PHIP: variants seen among roughly 807,000 people sequenced by gnomAD.
The protein encoded by PHIP is PHIP subunit of CUL4-Ring ligase complex.
Under a neutral mutation model 236.8 loss-of-function variants are expected in PHIP, and 54 were observed. The observed-to-expected ratio is 0.23, with a 90% CI of 0.18 to 0.29. The LOEUF (loss-of-function observed/expected upper bound fraction) is 0.29, where lower values mean the gene tolerates loss of function less well. Ranked by LOEUF, PHIP falls within the 10% of genes least tolerant of loss-of-function variation. PHIP has a pLI of 1.00. For missense variants in PHIP, 1,370 were observed against 2,190.8 expected (o/e 0.63, Z 7.48); for synonymous variants, 756 against 718.9 (o/e 1.05, Z -0.83).
At chr6:78,952,052 T>C (rs1218747219) in intron 35 of PHIP, among the ~76,000 whole-genome samples, 1 of 152,220 alleles carries the variant, frequency 6.6e-6, no homozygotes, top group African/African-American at 2.4e-5. Flanking sequence ...TTTTCACTCT[T>C]ATTCTAGGTA....
At position 79,077,490 on chromosome 6, in the gene PHIP, G is replaced by A; in HGVS notation, c.147C>T (p.Thr49=). The part of the protein sequence containing the change: ...VAEKELLPRR[T]DWTGKEHPRT... Reference sequence around the variant, plus strand: ...TGGGATGCTCCTTCCCGGTCCAGTCGGTGCGCCGGGGCAGCAGCTGCGGGG... The same window carrying A: ...TGGGATGCTCCTTCCCGGTCCAGTCAGTGCGCCGGGGCAGCAGCTGCGGGG... The change falls in exon 4 of 40, where the codon ACC becomes ACT. Residue 49 remains threonine, a synonymous_variant. Transcript: ENST00000275034. 1.9e-6 allele frequency: 3 copies of A among 1,560,750 alleles called. No individual in the cohort carries two copies. In the South Asian group the frequency reaches 3.4e-5, roughly 18 times the overall value.
intron 7 of PHIP, among the ~76,000 whole-genome samples, chr6:79,041,033 A>G (rs1325403755): frequency 1.3e-5 from 2 of 152,278 alleles, no homozygotes; most frequent in Middle Eastern, 3.4e-3. Context: ...CCCTTAAAAG[A>G]AAGAATCAAA....
chr6:79,016,714 A>G (rs1770847566), intron 12 of PHIP, 72 bp from the exon 13 acceptor site: 2 of 878,916 alleles, frequency 2.3e-6, no homozygotes, highest in South Asian at 3.6e-5. Context: ...TTTCCCAGAG[A>G]TCTTGTTTAA....
At chr6:78,998,936 G>A (rs1769813702) in intron 17 of PHIP, among the ~76,000 whole-genome samples, 1 of 152,112 alleles carries the variant, frequency 6.6e-6, no homozygotes. Flanking sequence ...TTAGGGAGCT[G>A]ACATACTGAT....
rs1409253860 is a variant in PHIP, at chr6:78,971,997, C to A, written c.2890-1109G>T. Among the ~76,000 whole-genome samples, 103 of 151,316 alleles carry A rather than the reference C, an allele frequency of 6.8e-4. 1 individual carries two copies. In the South Asian group the frequency reaches 8.0e-3, roughly 12 times the overall value. Reference sequence around the variant, plus strand: ...GGCTTGCTTAGGTAAACAAAGCAGCCGGGAAGCTCGAACTGGGTGGAGCCC... The same window carrying A: ...GGCTTGCTTAGGTAAACAAAGCAGCAGGGAAGCTCGAACTGGGTGGAGCCC... On this transcript the variant is annotated intron_variant, in intron 24 of 39. Coordinates refer to ENST00000275034, the MANE Select transcript of PHIP (RefSeq NM_017934.7).
At chr6:78,987,646 T>A (rs1237948949) in intron 21 of PHIP, among the ~76,000 whole-genome samples, 3 of 152,150 alleles carry the variant, frequency 2.0e-5, no homozygotes, top group Non-Finnish European at 4.4e-5. Context: ...ATGGTTTAAC[T>A]GCTTAATAAG....
intron 15 of PHIP, chr6:79,004,490 G>A (rs766221783): frequency 1.6e-5 from 12 of 741,424 alleles, no homozygotes; most frequent in Non-Finnish European, 2.0e-5. Context: ...TGCTCTCAGT[G>A]CTTCTTCAGA....
chr6:79,018,668 T>C (rs1005087255), intron 10 of PHIP, among the ~76,000 whole-genome samples: 1 of 152,010 alleles, frequency 6.6e-6, no homozygotes, highest in Non-Finnish European at 1.5e-5. Context: ...GAACAATATG[T>C]AGCGAATTAA....
At position 78,966,233 on chromosome 6, in the gene PHIP, T is replaced by A. The variant is rs1243095410; in HGVS notation, c.3206-177A>T. ...CAGCAATACCAAGAGAAAAAAGGAATTTAGTAAGCATACTTGAAGTGTGAC... is the reference window on the plus strand; with the variant it reads ...CAGCAATACCAAGAGAAAAAAGGAAATTAGTAAGCATACTTGAAGTGTGAC... On this transcript the variant is annotated intron_variant, in intron 27 of 39. Coordinates refer to ENST00000275034, the MANE Select transcript of PHIP (RefSeq NM_017934.7). Among the ~76,000 whole-genome samples, 5 of 152,176 alleles carry A rather than the reference T, an allele frequency of 3.3e-5. No individual in the cohort carries two copies. In the East Asian group the frequency reaches 7.7e-4, roughly 23 times the overall value.
intron 7 of PHIP, among the ~76,000 whole-genome samples, chr6:79,040,782 T>C (rs1436026171): frequency 1.3e-5 from 2 of 152,244 alleles, no homozygotes; most frequent in Non-Finnish European, 2.9e-5. Context: ...TATTTCTTAT[T>C]GTAAGGTAAC....
intron 6 of PHIP, among the ~76,000 whole-genome samples, chr6:79,053,229 G>C (rs1296610497): frequency 3.3e-5 from 5 of 152,150 alleles, no homozygotes; most frequent in Admixed American, 2.0e-4. Flanking sequence ...CAGGAGAATG[G>C]CTTGAACCTG....
At chr6:79,023,249 T>C (rs1190433016) in intron 9 of PHIP, among the ~76,000 whole-genome samples, 1 of 152,108 alleles carries the variant, frequency 6.6e-6, no homozygotes, top group Non-Finnish European at 1.5e-5. Context: ...TGGCGTTTGT[T>C]GTTGTTGTTG....
At chr6:78,999,484 T>C (rs951969340) in intron 17 of PHIP, among the ~76,000 whole-genome samples, 1 of 152,100 alleles carries the variant, frequency 6.6e-6, no homozygotes, top group Admixed American at 6.6e-5. Flanking sequence ...TCCAAACCCA[T>C]TAGTTCCTCA....
chr6:78,963,118 T>C lies in PHIP; in HGVS notation c.3514A>G (p.Ile1172Val). 6.2e-7 allele frequency: 1 copy of C among 1,606,290 alleles called. No individual in the cohort carries two copies. Among genetic ancestry groups the C allele is most frequent in the South Asian group, 1.1e-5 (1 of 89,714 alleles). Residue 1172 changes from isoleucine (I) to valine (V), a missense_variant, in exon 30 of 40, where the codon ATA (isoleucine) becomes GTA (valine). By Grantham distance (29) the Ile-to-Val change is conservative (BLOSUM62 3). This residue lies in a region of PHIP where 238 missense variants were observed against 398.5 expected (regional missense o/e 0.60). Coordinates refer to ENST00000275034, the MANE Select transcript of PHIP (RefSeq NM_017934.7). ...DEECERIVAG[I>V]NQLMTLDIAS... ...TTACCTAGTGTCATCAACTGGTTTA[T>C]TCCTGCCACAATTCTTTCACATTCT... is the stretch of plus-strand genomic sequence containing the variant.
Position 79,077,877 on chromosome 6 carries a change from C to T in PHIP, c.77G>A (p.Gly26Glu). 6.3e-7 allele frequency: 1 copy of T among 1,577,634 alleles called. No homozygotes were observed. Among genetic ancestry groups the T allele is most frequent in the Non-Finnish European group, 8.6e-7 (1 of 1,164,108 alleles). ...YFLIARFLED[G>E]PCQQAAQVLI... ...TACCTGAGCCGCCTGCTGACAGGGTCCATCTTCCAGGAACCGGGCGATGAG... is the reference window on the plus strand; with the variant it reads ...TACCTGAGCCGCCTGCTGACAGGGTTCATCTTCCAGGAACCGGGCGATGAG... Residue 26 changes from glycine (G) to glutamate (E), a missense_variant, in exon 2 of 40, where the codon GGA becomes GAA. By Grantham distance (98) the Gly-to-Glu change is moderately conservative. Coordinates refer to ENST00000275034, the MANE Select transcript of PHIP (RefSeq NM_017934.7).
intron 24 of PHIP, among the ~76,000 whole-genome samples, chr6:78,976,006 C>G (rs1193170734): frequency 6.6e-6 from 1 of 151,802 alleles, no homozygotes; most frequent in Admixed American, 6.6e-5. Context: ...CCTTTCTTCA[C>G]AGAATTGGAA....
intron 6 of PHIP, among the ~76,000 whole-genome samples, chr6:79,049,377 C>T (rs1196920909): frequency 6.6e-6 from 1 of 152,058 alleles, no homozygotes; most frequent in Non-Finnish European, 1.5e-5. Context: ...TAGTTTTATT[C>T]TGTGATTCTA....
intron 4 of PHIP, among the ~76,000 whole-genome samples, chr6:79,070,442 GA>G (rs1309179242): frequency 6.6e-6 from 1 of 152,204 alleles, no homozygotes; most frequent in Admixed American, 6.5e-5. Flanking sequence ...AGTTGTTTCA[GA>G]CAACGGATGT....
chr6:78,978,776 C>T (rs775984541), intron 23 of PHIP, 65 bp from the exon 24 acceptor site: 1 of 1,281,550 alleles, frequency 7.8e-7, no homozygotes, highest in Non-Finnish European at 1.1e-6. Context: ...CAAATCTACT[C>T]TTTAAAATAA....
Sources: gnomAD v4.1 joint callset for allele counts (sites outside exome capture counted in the v4.1 genomes callset) on GRCh38, gnomAD v4.1.1 for gene constraint, gnomAD v4.1.1 regional missense constraint, MANE v1.5 for transcripts, NCBI Gene and HGNC (gene_info 2026-07-23, HGNC 2026-07-21) for gene names.